The following TMOD1 variants were observed in gnomAD, a reference collection of about 807,000 sequenced individuals.
The protein encoded by TMOD1 is tropomodulin-1.
Under a neutral mutation model 40.6 loss-of-function variants are expected in TMOD1, and 17 were observed. The ratio of observed to expected loss-of-function variants is 0.42; its 90% confidence interval spans 0.29 to 0.63. The LOEUF (loss-of-function observed/expected upper bound fraction) is 0.63. Ranked by LOEUF, TMOD1 falls within the 20% of genes least tolerant of loss-of-function variation. TMOD1 has a pLI of 0.22. For synonymous variants in TMOD1, 181 were observed against 175.0 expected, an observed-to-expected ratio of 1.03 and a Z score of -0.27; for missense variants, 391 against 447.6, an observed-to-expected ratio of 0.87 and a Z score of 1.14.
intron 1 of TMOD1, among the ~76,000 whole-genome samples, chr9:97,515,821 C>T (rs929495094): frequency 2.6e-5 from 4 of 152,126 alleles, no homozygotes; most frequent in African/African-American, 4.8e-5. Context: ...CTCTCCCTCT[C>T]CCTGTTTCTC....
At chr9:97,503,245 C>T (rs1829534270) in intron 1 of TMOD1, among the ~76,000 whole-genome samples, 1 of 152,190 alleles carries the variant, frequency 6.6e-6, no homozygotes, top group Non-Finnish European at 1.5e-5. Flanking sequence ...CTTTCCGCAC[C>T]CTTCCCACTG....
At chr9:97,560,301 T>A (rs945940389) in intron 4 of TMOD1, among the ~76,000 whole-genome samples, 1 of 151,756 alleles carries the variant, frequency 6.6e-6, no homozygotes, top group African/African-American at 2.4e-5. Context: ...ATACACCAGG[T>A]GCTGTGGGAG....
At chr9:97,563,118 A>G (rs1454567520) in intron 5 of TMOD1, among the ~76,000 whole-genome samples, 1 of 152,164 alleles carries the variant, frequency 6.6e-6, no homozygotes, top group Non-Finnish European at 1.5e-5. Context: ...CATTGGCACA[A>G]TCTTGACACA....
intron 1 of TMOD1, among the ~76,000 whole-genome samples, chr9:97,506,466 C>A (rs1429299539): frequency 1.3e-5 from 2 of 152,176 alleles, no homozygotes; most frequent in African/African-American, 4.8e-5. Flanking sequence ...CTGTGATAAC[C>A]AGGACAGTCA....
chr9:97,527,802 C>T (rs553999047), intron 2 of TMOD1, among the ~76,000 whole-genome samples: 17 of 152,182 alleles, frequency 1.1e-4, no homozygotes, highest in African/African-American at 3.1e-4. Flanking sequence ...AGGTGGGAGG[C>T]GCTCCCGCGG....
At chr9:97,564,258 C>T (rs992089758) in intron 6 of TMOD1, 90 bp downstream of exon 6, 4 of 1,468,872 alleles carry the variant, frequency 2.7e-6, no homozygotes, top group Admixed American at 4.6e-5. Context: ...GTTGGTTGTG[C>T]AGAGTAAACA....
rs1430644413 is a variant in TMOD1, at chr9:97,586,171, A to G, written c.871-5120A>G. Among the ~76,000 whole-genome samples, 7 of 151,844 alleles carry G rather than the reference A, an allele frequency of 4.6e-5. No individual in the cohort carries two copies. In the East Asian group the frequency reaches 1.4e-3, roughly 29 times the overall value. ...TTGGTCTTTGATGACGGTGATGTAC[A>G]GATGGGTTTTTGGTGTGGATGTCCT... On this transcript the variant is annotated intron_variant, in intron 8 of 9. Coordinates refer to ENST00000259365, the MANE Select transcript of TMOD1 (RefSeq NM_003275.4).
At chr9:97,501,524 T>A (rs1169090442), upstream of TMOD1, 1 of 149,002 alleles carries the variant, frequency 6.7e-6, no homozygotes, top group African/African-American at 2.5e-5. Flanking sequence ...GGAAGTGCGC[T>A]GCGCCCGGGC....
intron 4 of TMOD1, chr9:97,555,711 T>C: frequency 1.3e-6 from 2 of 1,542,968 alleles, no homozygotes; most frequent in African/African-American, 1.4e-5. Context: ...CCAGGTTCTA[T>C]GTGAGTTGCT....
At chr9:97,510,403 G>T (rs1004731283) in intron 1 of TMOD1, among the ~76,000 whole-genome samples, 4 of 152,082 alleles carry the variant, frequency 2.6e-5, no homozygotes, top group Admixed American at 6.5e-5. Flanking sequence ...GCTAATTTTT[G>T]TATTTTTAGT....
intron 8 of TMOD1, among the ~76,000 whole-genome samples, chr9:97,572,242 G>A (rs550647592): frequency 6.6e-6 from 1 of 152,278 alleles, no homozygotes; most frequent in African/African-American, 2.4e-5. Context: ...GGAAAGCCAT[G>A]GAGCCCATCC....
intron 8 of TMOD1, among the ~76,000 whole-genome samples, chr9:97,574,440 G>A (rs149847716): frequency 6.6e-6 from 1 of 152,330 alleles, no homozygotes; most frequent in East Asian, 1.9e-4. Flanking sequence ...CCTGCAGCCC[G>A]CCATGCCTGA....
At chr9:97,561,370 A>G (rs574015931) in intron 4 of TMOD1, among the ~76,000 whole-genome samples, 6 of 152,280 alleles carry the variant, frequency 3.9e-5, no homozygotes, top group African/African-American at 1.4e-4. Flanking sequence ...GTGTCAGGCA[A>G]TGGTTCTCAA....
intron 5 of TMOD1, 138 bp from the exon 6 acceptor site, chr9:97,563,900 T>G: frequency 1.8e-5 from 10 of 553,334 alleles, no homozygotes; most frequent in Non-Finnish European, 2.7e-5. Context: ...TGGTGCCCCC[T>G]ACCCCCACCC....
chr9:97,523,768 T>G (rs1050972088), intron 1 of TMOD1, among the ~76,000 whole-genome samples: 2 of 152,126 alleles, frequency 1.3e-5, no homozygotes, highest in African/African-American at 4.8e-5. Flanking sequence ...TTGGCAGAGT[T>G]TCCAGCATTC....
intron 1 of TMOD1, among the ~76,000 whole-genome samples, chr9:97,509,645 C>T (rs1477046395): frequency 6.6e-6 from 1 of 151,838 alleles, no homozygotes; most frequent in Non-Finnish European, 1.5e-5. Context: ...CAGGTGCATG[C>T]CACCATGCCC....
chr9:97,550,293 T>C (rs1382051842), intron 3 of TMOD1, among the ~76,000 whole-genome samples: 1 of 152,248 alleles, frequency 6.6e-6, no homozygotes, highest in African/African-American at 2.4e-5. Flanking sequence ...GTCAGTTATT[T>C]CCACCTTCTG....
chr9:97,588,050 C>G (rs891821820), intron 8 of TMOD1, among the ~76,000 whole-genome samples: 12 of 152,170 alleles, frequency 7.9e-5, no homozygotes, highest in African/African-American at 2.7e-4. Flanking sequence ...CTGAATAATG[C>G]TGTTATGAGC....
chr9:97,525,151 A>G (rs534021952), intron 2 of TMOD1, among the ~76,000 whole-genome samples: 1 of 152,300 alleles, frequency 6.6e-6, no homozygotes, highest in South Asian at 2.1e-4. Context: ...TGGAAAACAC[A>G]CTATCACCTT....
Sources: allele counts gnomAD v4.1 joint callset (sites outside exome capture counted in the v4.1 genomes callset), GRCh38; gene constraint gnomAD v4.1.1; transcripts MANE v1.5; gene names NCBI Gene and HGNC (gene_info 2026-07-23, HGNC 2026-07-21).